The following DKK3 variants were observed in gnomAD, a reference collection of about 807,000 sequenced individuals.
The protein encoded by DKK3 is dickkopf-related protein 3.
Under a neutral mutation model 33.2 loss-of-function variants are expected in DKK3, and 22 were observed. That is an observed-to-expected ratio of 0.66 (90% CI 0.47 to 0.95). The LOEUF (loss-of-function observed/expected upper bound fraction) is 0.95. DKK3 is among the 40% of genes least tolerant of loss of function. DKK3 has a pLI of 0.00. For synonymous variants in DKK3, 194 were observed against 188.8 expected, an observed-to-expected ratio of 1.03 and a Z score of -0.23; for missense variants, 398 against 458.4, an observed-to-expected ratio of 0.87 and a Z score of 1.20.
chr11:11,980,164 C>T (rs1847925641), intron 3 of DKK3, among the ~76,000 whole-genome samples: 1 of 152,244 alleles, frequency 6.6e-6, no homozygotes, highest in African/African-American at 2.4e-5. Flanking sequence ...CAAACTTGCC[C>T]CCCAGGACCC....
chr11:11,996,991 G>A (rs955131194), intron 3 of DKK3, among the ~76,000 whole-genome samples: 3 of 152,254 alleles, frequency 2.0e-5, no homozygotes, highest in African/African-American at 7.2e-5. Context: ...CAAGCATGCC[G>A]TTGGCATGTT....
At chr11:11,970,942 C>T (rs1445591165) in intron 3 of DKK3, among the ~76,000 whole-genome samples, 1 of 151,772 alleles carries the variant, frequency 6.6e-6, no homozygotes, top group East Asian at 1.9e-4. Context: ...TAATTTGTTA[C>T]AGCATCAATA....
At chr11:11,986,932 T>C (rs1407135648) in intron 3 of DKK3, among the ~76,000 whole-genome samples, 1 of 152,200 alleles carries the variant, frequency 6.6e-6, no homozygotes, top group East Asian at 1.9e-4. Flanking sequence ...CAGAGGTTCA[T>C]TTTTTAAACA....
At chr11:11,995,336 C>T (rs985943444) in intron 3 of DKK3, among the ~76,000 whole-genome samples, 1 of 152,150 alleles carries the variant, frequency 6.6e-6, no homozygotes, top group African/African-American at 2.4e-5. Context: ...CCTCCCACCT[C>T]AGCCCTCCAA....
In DKK3 at chr11:11,964,596, C is replaced by T; in HGVS notation, c.921G>A (p.Glu307=). The change falls in exon 7 of 7, where the codon GAG becomes GAA. Residue 307 remains glutamate, a synonymous_variant. Coordinates refer to ENST00000683431, the MANE Select transcript of DKK3 (RefSeq NM_001018057.2). ...CCTCCATGAAGCTGCCAACTTCATACTCATCGGGGACCTCTCTGGGCAGCA... is the reference window on the plus strand; with the variant it reads ...CCTCCATGAAGCTGCCAACTTCATATTCATCGGGGACCTCTCTGGGCAGCA... ...EILLPREVPD[E]YEVGSFMEEV... The T allele has an allele frequency of 6.2e-7, 1 of 1,614,216 alleles. No homozygotes were observed. The highest frequency in any genetic ancestry group is 8.5e-7 in the Non-Finnish European group (1 of 1,180,040).
chr11:11,998,567 T>C lies in DKK3; in HGVS notation c.435+129A>G, dbSNP rs1848348810. ...TCAGAAATGTAGGAATTGAGGAATCTCGGTAGAAATGAGTCAGGAGACTCC... is the reference window on the plus strand; with the variant it reads ...TCAGAAATGTAGGAATTGAGGAATCCCGGTAGAAATGAGTCAGGAGACTCC... On this transcript the variant is annotated intron_variant, in intron 3 of 6. Coordinates refer to ENST00000683431, the MANE Select transcript of DKK3 (RefSeq NM_001018057.2). The C allele has an allele frequency of 3.8e-6, 3 of 799,084 alleles. No homozygotes were observed. In the South Asian group the frequency reaches 4.3e-5, roughly 12 times the overall value. The allele number at this position is 799,084 out of a possible 1,614,324, so 49.5% of individuals were successfully genotyped here. A position where few individuals can be genotyped will look rare whatever the true frequency, so the allele number is the denominator to read the frequency against.
chr11:11,967,755 T>C (rs1329929481), intron 4 of DKK3, among the ~76,000 whole-genome samples: 2 of 152,236 alleles, frequency 1.3e-5, no homozygotes, highest in Non-Finnish European at 2.9e-5. Flanking sequence ...TCGTCCAAAA[T>C]GCCTGTTGGG....
At chr11:11,989,871 A>T (rs1464981006) in intron 3 of DKK3, among the ~76,000 whole-genome samples, 2 of 152,096 alleles carry the variant, frequency 1.3e-5, no homozygotes, top group Non-Finnish European at 2.9e-5. Flanking sequence ...ATTTTCTCTG[A>T]GCCTCAGTTA....
chr11:12,008,188 A>T lies in DKK3; in HGVS notation c.213+182T>A, dbSNP rs937821208. Among the ~76,000 whole-genome samples, 34 of 152,090 alleles carry T rather than the reference A, an allele frequency of 2.2e-4. No homozygotes were observed. The highest frequency in any genetic ancestry group is 1.5e-4 in the Non-Finnish European group (10 of 67,986). ...ATCCAGACTTTTTGGCAAGGAGGCA[A>T]AACGAGGCGGGAGTAGGGATCACCG... is the stretch of plus-strand genomic sequence containing the variant. On this transcript the variant is annotated intron_variant, in intron 1 of 6. Coordinates refer to ENST00000683431, the MANE Select transcript of DKK3 (RefSeq NM_001018057.2). The surrounding 1 kb of genome is among the most constrained non-coding windows in gnomAD (Gnocchi z 4.6).
intron 3 of DKK3, among the ~76,000 whole-genome samples, chr11:11,994,005 C>T (rs1200131576): frequency 1.3e-5 from 2 of 152,108 alleles, no homozygotes; most frequent in Non-Finnish European, 2.9e-5. Context: ...GGAACAACAG[C>T]GGGATGAGTC....
intron 3 of DKK3, among the ~76,000 whole-genome samples, chr11:11,985,060 C>T (rs2135051887): frequency 6.6e-6 from 1 of 152,318 alleles, no homozygotes; most frequent in South Asian, 2.1e-4. Flanking sequence ...AATTTTGCTT[C>T]ACTTTTGTGG....
At chr11:11,998,635 A>G (rs1468124823) in intron 3 of DKK3, 61 bp downstream of exon 3, 2 of 1,495,846 alleles carry the variant, frequency 1.3e-6, no homozygotes. Context: ...ACCGTTGGCA[A>G]ACTGAATGAA....
At chr11:11,977,795 C>T (rs1847866044) in intron 3 of DKK3, among the ~76,000 whole-genome samples, 1 of 152,178 alleles carries the variant, frequency 6.6e-6, no homozygotes, top group Non-Finnish European at 1.5e-5. Flanking sequence ...ACTTCCAGGT[C>T]TCCCAGACCC....
At chr11:12,009,718 C>T, upstream of DKK3, 1 of 985,728 alleles carries the variant, frequency 1.0e-6, no homozygotes, top group Non-Finnish European at 1.2e-6. Context: ...CAAGCCATCA[C>T]CGCTGGCCTT....
chr11:12,001,461 C>T (rs1848426488), intron 2 of DKK3, among the ~76,000 whole-genome samples: 1 of 152,198 alleles, frequency 6.6e-6, no homozygotes, highest in Non-Finnish European at 1.5e-5. Flanking sequence ...AAAAGTGAGG[C>T]TCTTTTGTGA....
At chr11:11,988,957 C>T (rs775911505) in intron 3 of DKK3, among the ~76,000 whole-genome samples, 13 of 152,206 alleles carry the variant, frequency 8.5e-5, no homozygotes, top group Admixed American at 5.9e-4. Flanking sequence ...AGTTGGGGAA[C>T]GCACTGCCTT....
At chr11:11,993,051 A>G (rs775784894) in intron 3 of DKK3, among the ~76,000 whole-genome samples, 2 of 152,218 alleles carry the variant, frequency 1.3e-5, no homozygotes, top group Non-Finnish European at 2.9e-5. Context: ...CCTAGAGGAA[A>G]ATTTGTCAGT....
At position 11,964,452 on chromosome 11, in the gene DKK3, C is replaced by T. The variant is rs116954853; in HGVS notation, c.*12G>A. The T allele has an allele frequency of 4.5e-3, 7,215 of 1,608,278 alleles. 27 individuals carry two copies. The highest frequency in any genetic ancestry group is 5.4e-3 in the Non-Finnish European group (6,395 of 1,179,624). On this transcript the variant is annotated 3_prime_UTR_variant, in exon 7 of 7. Coordinates refer to ENST00000683431, the MANE Select transcript of DKK3 (RefSeq NM_001018057.2). ...ATTTCTATTGCACATCTACCCACAGCCTGGTCCAGATCTAAATCTCTTCCC... is the reference window on the plus strand; with the variant it reads ...ATTTCTATTGCACATCTACCCACAGTCTGGTCCAGATCTAAATCTCTTCCC...
At position 11,969,406 on chromosome 11, in the gene DKK3, C is replaced by A. The variant is rs149459732; in HGVS notation, c.436-919G>T. On this transcript the variant is annotated intron_variant, in intron 3 of 6. Transcript: ENST00000683431. ...GCCCTGATCTTGTTCAGTGACTCCTCCCAGCAGGAGGCAGGTAGGGACTGC... is the reference window on the plus strand; with the variant it reads ...GCCCTGATCTTGTTCAGTGACTCCTACCAGCAGGAGGCAGGTAGGGACTGC... 6.4e-4 allele frequency among the ~76,000 whole-genome samples: 98 copies of A among 152,260 alleles called. 2 individuals are homozygous for A. The Middle Eastern group carries it at 0.014, about 21-fold the overall frequency.
Sources: allele counts gnomAD v4.1 joint callset (sites outside exome capture counted in the v4.1 genomes callset), GRCh38; gene constraint gnomAD v4.1.1; non-coding constraint Gnocchi (gnomAD v3.1); transcripts MANE v1.5; gene names NCBI Gene and HGNC (gene_info 2026-07-23, HGNC 2026-07-21).